KLHL29: variants seen among roughly 807,000 people sequenced by gnomAD.
KLHL29 encodes kelch-like protein 29.
KLHL29 carries 21 observed loss-of-function variants against 80.4 expected under a neutral mutation model. The observed-to-expected ratio is 0.26, with a 90% confidence interval of 0.19 to 0.38. KLHL29 has a LOEUF of 0.38. KLHL29 is among the 10% of genes least tolerant of loss of function. The pLI is 1.00. For synonymous variants in KLHL29, 511 were observed against 526.8 expected, an observed-to-expected ratio of 0.97 and a Z score of 0.41; for missense variants, 867 against 1,223.9, an observed-to-expected ratio of 0.71 and a Z score of 4.35.
At chr2:23,438,689 G>T (rs1420071522) in intron 1 of KLHL29, among the ~76,000 whole-genome samples, 1 of 149,698 alleles carries the variant, frequency 6.7e-6, no homozygotes, top group East Asian at 2.0e-4. Flanking sequence ...TAAGCTTTTT[G>T]ATGTGCTGCT....
rs1669981515 is a variant in KLHL29 at position 23,647,852 on chromosome 2, C to T, written c.940+5002C>T. ...TCGGTCGAGTGCCTGTGAGACCATT[C>T]GACTGTGAGCCCCGGGGTCAGGGGC... is the stretch of plus-strand genomic sequence containing the variant. On this transcript the variant is annotated intron_variant, in intron 5 of 13. Transcript: ENST00000486442. This position sits in a 1 kb window ranked among gnomAD's most constrained non-coding sequence, Gnocchi z 4.9. Among the ~76,000 whole-genome samples the T allele has an allele frequency of 6.6e-6, 1 of 152,066 alleles. No homozygotes were observed. Among genetic ancestry groups the T allele is most frequent in the Non-Finnish European group, 1.5e-5 (1 of 68,014 alleles).
At chr2:23,539,581 A>G (rs559351291) in intron 2 of KLHL29, among the ~76,000 whole-genome samples, 1 of 151,738 alleles carries the variant, frequency 6.6e-6, no homozygotes, top group Non-Finnish European at 1.5e-5. Context: ...TGCTGGGACT[A>G]CAGGTGCGCA....
intron 6 of KLHL29, chr2:23,691,385 C>G: frequency 2.2e-6 from 1 of 464,418 alleles, no homozygotes; most frequent in South Asian, 2.1e-5. Context: ...TGAGGCCAGT[C>G]CTGGTCCTCG....
At position 23,541,733 on chromosome 2, in the gene KLHL29, A is replaced by AT. The variant is rs369158076; in HGVS notation, c.-45-20413dup. The stretch of plus-strand genomic sequence containing the variant: ...CAAGTCCCTCGCAATCGAAAACAGG[A>AT]TTTTTTAAAGAGCTTTTAAAAAAGC... On this transcript the variant is annotated intron_variant, in intron 2 of 13. Transcript: ENST00000486442. 2.4e-3 allele frequency among the ~76,000 whole-genome samples: 359 copies of AT among 148,406 alleles called. 2 individuals carry two copies. The highest frequency in any genetic ancestry group is 8.4e-3 in the African/African-American group (337 of 39,972).
chr2:23,699,425 T>A (rs1183448900), intron 11 of KLHL29, among the ~76,000 whole-genome samples: 1 of 152,198 alleles, frequency 6.6e-6, no homozygotes, highest in Non-Finnish European at 1.5e-5. Flanking sequence ...TGGAGGCAAC[T>A]GGAGTTGGGA....
In KLHL29 at chr2:23,531,578, C is replaced by T. The variant is rs554552758; in HGVS notation, c.-45-30574C>T. ...TTTCACTTGCCAGTAATATCTATTC[C>T]GGAACTTTCCCTAGAACCAGAGTCA... On this transcript the variant is annotated intron_variant, in intron 2 of 13. Coordinates refer to ENST00000486442, the MANE Select transcript of KLHL29 (RefSeq NM_052920.2). 5.2e-4 allele frequency among the ~76,000 whole-genome samples: 79 copies of T among 152,272 alleles called. 1 individual carries two copies. In the South Asian group the frequency reaches 6.2e-3, roughly 12 times the overall value.
intron 5 of KLHL29, among the ~76,000 whole-genome samples, chr2:23,674,956 A>T (rs1350166687): frequency 3.3e-5 from 5 of 151,788 alleles, no homozygotes; most frequent in Admixed American, 1.3e-4. Context: ...GTCCCCACAG[A>T]GCTCTTCCAG....
At chr2:23,522,926 T>C (rs1572375764) in intron 2 of KLHL29, among the ~76,000 whole-genome samples, 1 of 152,326 alleles carries the variant, frequency 6.6e-6, no homozygotes, top group South Asian at 2.1e-4. Context: ...GACTCGACTT[T>C]GTCAGTGCCC....
chr2:23,634,188 C>T (rs1052120975), intron 3 of KLHL29, among the ~76,000 whole-genome samples: 1 of 152,056 alleles, frequency 6.6e-6, no homozygotes, highest in African/African-American at 2.4e-5. Context: ...AAGGCAGCCC[C>T]GCCAGCCCTG....
intron 2 of KLHL29, among the ~76,000 whole-genome samples, chr2:23,540,609 CTT>C (rs1666805684): frequency 1.3e-5 from 2 of 152,338 alleles, no homozygotes; most frequent in Admixed American, 6.5e-5. Flanking sequence ...ACATAGAACT[CTT>C]TTGGTTGCAG....
At chr2:23,659,374 T>C (rs1670339074) in intron 5 of KLHL29, among the ~76,000 whole-genome samples, 1 of 152,222 alleles carries the variant, frequency 6.6e-6, no homozygotes, top group Admixed American at 6.5e-5. Flanking sequence ...AGGAGGAAAC[T>C]TCGGTTCAGA....
chr2:23,569,088 G>A (rs180882225), intron 3 of KLHL29, among the ~76,000 whole-genome samples: 1 of 152,324 alleles, frequency 6.6e-6, no homozygotes, highest in African/African-American at 2.4e-5. Flanking sequence ...CCACTCCAGG[G>A]TTAGTGGGAC....
rs756607304 is a variant in KLHL29, at chr2:23,691,926, C to T, written c.1282+50C>T. The T allele has an allele frequency of 3.1e-5, 46 of 1,508,026 alleles. No homozygotes were observed. In the Admixed American group the frequency reaches 7.1e-4, roughly 23 times the overall value. The allele number at this position is 1,508,026 out of a possible 1,614,324, so 93.4% of individuals were successfully genotyped here. On this transcript the variant is annotated intron_variant, in intron 7 of 13. Coordinates refer to ENST00000486442, the MANE Select transcript of KLHL29 (RefSeq NM_052920.2). Reference sequence around the variant, plus strand: ...GCTTGGGGGGAAGAGTGCAGATGGGCGGAGAACTCCATAAACAGCAAGGAC... The same window carrying T: ...GCTTGGGGGGAAGAGTGCAGATGGGTGGAGAACTCCATAAACAGCAAGGAC...
chr2:23,686,931 T>G (rs1035368146), intron 6 of KLHL29, among the ~76,000 whole-genome samples: 1 of 152,108 alleles, frequency 6.6e-6, no homozygotes, highest in African/African-American at 2.4e-5. Context: ...AAGTGCCTTC[T>G]TGGGAGGAAA....
chr2:23,533,007 A>G (rs538321251), intron 2 of KLHL29, among the ~76,000 whole-genome samples: 11 of 152,254 alleles, frequency 7.2e-5, no homozygotes, highest in African/African-American at 2.4e-4. Context: ...CAGGCCCCCA[A>G]GCTGAGGAGC....
In KLHL29 at chr2:23,618,409, C is replaced by T. The variant is rs137872473; in HGVS notation, c.286-20730C>T. ...CAGTAGACTGAGTAAAGCAGCTCGC[C>T]CTCCCCAATGTGGGAAGGCCTCATC... On this transcript the variant is annotated intron_variant, in intron 3 of 13. Transcript: ENST00000486442. 5.9e-5 allele frequency among the ~76,000 whole-genome samples: 9 copies of T among 152,242 alleles called. No homozygotes were observed. In the East Asian group the frequency reaches 1.5e-3, roughly 26 times the overall value.
chr2:23,705,833 G>A (rs1184777796), intron 13 of KLHL29, among the ~76,000 whole-genome samples: 1 of 152,180 alleles, frequency 6.6e-6, no homozygotes, highest in East Asian at 1.9e-4. Flanking sequence ...ATGCATTAAG[G>A]GAGTCAGTGC....
Position 23,562,257 on chromosome 2 carries a change from T to C in KLHL29, c.61T>C (p.Trp21Arg). 1.3e-6 allele frequency: 2 copies of C among 1,550,282 alleles called. No homozygotes were observed. The highest frequency in any genetic ancestry group is 2.4e-5 in the South Asian group (2 of 84,006). The stretch of plus-strand genomic sequence containing the variant: ...CCGGGTGGGCTGGGACCGCCGCGAA[T>C]GGAGCGTCAACGGGACGCATGGGAC... ...DYRVGWDRRE[W>R]SVNGTHGTTS... Residue 21 changes from tryptophan (W) to arginine (R), a missense_variant, in exon 3 of 14, where the codon TGG (tryptophan) becomes CGG (arginine). Physicochemically the swap from Trp to Arg is moderately radical, Grantham distance 101. This residue lies in a region of KLHL29 where 424 missense variants were observed against 456.9 expected (regional missense o/e 0.93). Transcript: ENST00000486442. This position sits in a 1 kb window ranked among gnomAD's most constrained non-coding sequence, Gnocchi z 4.5.
intron 3 of KLHL29, among the ~76,000 whole-genome samples, chr2:23,581,269 C>T (rs1667973043): frequency 2.0e-5 from 3 of 152,180 alleles, no homozygotes; most frequent in Admixed American, 2.0e-4. Flanking sequence ...TTCCAGTCCC[C>T]ACTCCCCACC....
Sources: gnomAD v4.1 joint callset for allele counts (sites outside exome capture counted in the v4.1 genomes callset) on GRCh38, gnomAD v4.1.1 for gene constraint, gnomAD v4.1.1 regional missense constraint, Gnocchi (gnomAD v3.1) non-coding constraint, MANE v1.5 for transcripts, NCBI Gene and HGNC (gene_info 2026-07-23, HGNC 2026-07-21) for gene names.